SNX18: variants seen among roughly 807,000 people sequenced by gnomAD.
SNX18 encodes the protein sorting nexin 18, also known as sorting nexin-18.
Under a neutral mutation model 48.7 loss-of-function variants are expected in SNX18, and 35 were observed. The ratio of observed to expected loss-of-function variants is 0.72; its 90% CI spans 0.55 to 0.95. The LOEUF (loss-of-function observed/expected upper bound fraction) is 0.95. Among genes scored for constraint, SNX18 ranks in the 40% least tolerant of loss-of-function variants. The pLI is 0.00. For missense variants in SNX18, 824 were observed against 871.0 expected, an observed-to-expected ratio of 0.95 and a Z score of 0.68; for synonymous variants, 492 against 384.7, an observed-to-expected ratio of 1.28 and a Z score of -3.26.
intron 1 of SNX18, among the ~76,000 whole-genome samples, chr5:54,535,114 G>A (rs1762328438): frequency 6.6e-6 from 1 of 152,076 alleles, no homozygotes; most frequent in Non-Finnish European, 1.5e-5. Flanking sequence ...TATATTCATT[G>A]CAAACATGAG....
At chr5:54,520,525 C>CTCCTGAGCAGGGAAACCTAG (rs1762005105) in intron 1 of SNX18, 2 of 166,958 alleles carry the variant, frequency 1.2e-5, no homozygotes, top group Admixed American at 1.3e-4. Flanking sequence ...GGGAAACCTA[C>CTCCTGAGCAGGGAAACCTAG]TCCTGAGCAG....
chr5:54,631,184 C>T, the SNX18 span, among the ~76,000 whole-genome samples: 1 of 152,162 alleles, frequency 6.6e-6, no homozygotes, highest in Non-Finnish European at 1.5e-5. Context: ...GTGCTTGTCC[C>T]CAGCCAAAAC....
the SNX18 span, among the ~76,000 whole-genome samples, chr5:54,552,585 T>C: frequency 6.8e-4 from 103 of 152,292 alleles, no homozygotes; most frequent in African/African-American, 2.3e-3. Context: ...CCAGCACACA[T>C]TGGAGTCATT....
the SNX18 span, among the ~76,000 whole-genome samples, chr5:54,581,602 C>T: frequency 6.6e-6 from 1 of 152,134 alleles, no homozygotes; most frequent in Non-Finnish European, 1.5e-5. Context: ...CCCTTCTTCC[C>T]TTGTTCTGGG....
At chr5:54,626,923 T>A in the SNX18 span, among the ~76,000 whole-genome samples, 1 of 152,214 alleles carries the variant, frequency 6.6e-6, no homozygotes, top group East Asian at 1.9e-4. Context: ...TGGAGGAGAA[T>A]CTGTTGTCAT....
chr5:54,565,766 T>C, the SNX18 span, among the ~76,000 whole-genome samples: 1 of 152,098 alleles, frequency 6.6e-6, no homozygotes, highest in South Asian at 2.1e-4. Flanking sequence ...AATGAGAAGG[T>C]TGGAAAGCTG....
At chr5:54,570,854 C>A in the SNX18 span, among the ~76,000 whole-genome samples, 3 of 152,120 alleles carry the variant, frequency 2.0e-5, no homozygotes, top group East Asian at 1.9e-4. Flanking sequence ...TCTGAAAGAG[C>A]GATTCAGTAA....
the SNX18 span, among the ~76,000 whole-genome samples, chr5:54,632,595 C>T: frequency 7.9e-5 from 12 of 152,136 alleles, no homozygotes; most frequent in Non-Finnish European, 1.3e-4. Context: ...CCCAGCCAAA[C>T]CACTGAGAAG....
chr5:54,578,693 T>C, the SNX18 span, among the ~76,000 whole-genome samples: 7,894 of 152,250 alleles, frequency 0.052, 269 homozygotes, highest in Non-Finnish European at 0.081. Flanking sequence ...TGGTTTCACA[T>C]GCTTTCTTGT....
the SNX18 span, among the ~76,000 whole-genome samples, chr5:54,607,970 C>T: frequency 6.6e-6 from 1 of 152,108 alleles, no homozygotes; most frequent in Admixed American, 6.5e-5. Flanking sequence ...AATAAAGCTG[C>T]TGTAAACTTC....
chr5:54,543,099 A>G (rs1762503347), intron 1 of SNX18, 80 bp from the exon 2 acceptor site: 12 of 1,398,928 alleles, frequency 8.6e-6, no homozygotes, highest in Non-Finnish European at 1.1e-5. Flanking sequence ...ATAATGCCCA[A>G]GATTCTGTTT....
At chr5:54,543,107 T>C in intron 1 of SNX18, 72 bp from the exon 2 acceptor site, 1 of 1,446,850 alleles carries the variant, frequency 6.9e-7, no homozygotes, top group Middle Eastern at 1.9e-4. Flanking sequence ...CAAGATTCTG[T>C]TTAATATGTA....
At chr5:54,630,959 G>A in the SNX18 span, among the ~76,000 whole-genome samples, 4 of 152,158 alleles carry the variant, frequency 2.6e-5, no homozygotes, top group African/African-American at 9.6e-5. Context: ...CAGGCACCCA[G>A]AGGAGCCCAG....
At chr5:54,557,900 A>G in the SNX18 span, among the ~76,000 whole-genome samples, 6 of 152,106 alleles carry the variant, frequency 3.9e-5, no homozygotes, top group African/African-American at 1.2e-4. Context: ...ATGTATTTTT[A>G]TTTGTTTTTT....
chr5:54,606,384 C>T, the SNX18 span, among the ~76,000 whole-genome samples: 1 of 152,142 alleles, frequency 6.6e-6, no homozygotes, highest in Non-Finnish European at 1.5e-5. Flanking sequence ...TTTTATCTTG[C>T]CTTTCTTTGT....
chr5:54,529,174 T>C (rs963438084), intron 1 of SNX18, among the ~76,000 whole-genome samples: 5 of 152,080 alleles, frequency 3.3e-5, no homozygotes, highest in African/African-American at 4.8e-5. Context: ...TAACATCTTA[T>C]TGGGGGCAGT....
At chr5:54,536,007 C>T (rs1762345879) in intron 1 of SNX18, among the ~76,000 whole-genome samples, 1 of 152,146 alleles carries the variant, frequency 6.6e-6, no homozygotes, top group Non-Finnish European at 1.5e-5. Flanking sequence ...TTAAGTTGAA[C>T]TCTCAACCAA....
At chr5:54,589,993 G>T in the SNX18 span, among the ~76,000 whole-genome samples, 1 of 152,184 alleles carries the variant, frequency 6.6e-6, no homozygotes, top group Non-Finnish European at 1.5e-5. Context: ...CATTTACTAT[G>T]TTGCTCAGGC....
At position 54,521,797 on chromosome 5, in the gene SNX18, G is replaced by A. The variant is rs74992829; in HGVS notation, c.1621+2224G>A. 3.7e-3 allele frequency among the ~76,000 whole-genome samples: 564 copies of A among 152,146 alleles called. 2 individuals are homozygous for A. The highest frequency in any genetic ancestry group is 6.5e-3 in the Non-Finnish European group (442 of 67,986). On this transcript the variant is annotated intron_variant, in intron 1 of 1. Coordinates refer to ENST00000381410, the MANE Select transcript of SNX18 (RefSeq NM_001102575.2). ...TGCCCAGGCTTGTCTCTAACTCTTG[G>A]GCTCAAGCAATCCTTCCAGCTCAGC...
Sources: gnomAD v4.1 joint callset for allele counts (sites outside exome capture counted in the v4.1 genomes callset) on GRCh38, gnomAD v4.1.1 for gene constraint, MANE v1.5 for transcripts, NCBI Gene and HGNC (gene_info 2026-07-23, HGNC 2026-07-21) for gene names.